DLG2: variants seen among roughly 807,000 people sequenced by gnomAD.
DLG2 encodes the protein disks large homolog 2.
Under a neutral mutation model 132.5 loss-of-function variants are expected in DLG2, and 45 were observed. The observed-to-expected ratio is 0.34, with a 90% CI of 0.27 to 0.44. The LOEUF is 0.44. Ranked by LOEUF, DLG2 falls within the 20% of genes least tolerant of loss-of-function variation. DLG2 has a pLI of 1.00. For missense variants in DLG2, 1,045 were observed against 1,196.9 expected, an observed-to-expected ratio of 0.87 and a Z score of 1.87; for synonymous variants, 424 against 419.6, an observed-to-expected ratio of 1.01 and a Z score of -0.13.
intron 4 of DLG2, among the ~76,000 whole-genome samples, chr11:85,278,162 GT>G (rs2078009221): frequency 6.6e-6 from 1 of 152,164 alleles, no homozygotes; most frequent in African/African-American, 2.4e-5. Context: ...TCAGACACAT[GT>G]TTATTAATCC....
intron 10 of DLG2, 53 bp from the exon 11 acceptor site, chr11:84,059,537 A>C: frequency 1.7e-5 from 23 of 1,368,044 alleles, no homozygotes; most frequent in Non-Finnish European, 2.3e-5. Context: ...GGATTTCTTA[A>C]AGAATATTAT....
intron 21 of DLG2, among the ~76,000 whole-genome samples, chr11:83,501,189 C>A (rs139281789): frequency 1.4e-3 from 207 of 146,590 alleles, no homozygotes; most frequent in Non-Finnish European, 2.3e-3. Flanking sequence ...CTATTTTTTT[C>A]TGTTTTTCTT....
At chr11:83,805,841 A>T (rs2045765824) in intron 17 of DLG2, among the ~76,000 whole-genome samples, 1 of 152,106 alleles carries the variant, frequency 6.6e-6, no homozygotes, top group Admixed American at 6.6e-5. Context: ...GTTAGAGTGG[A>T]TTCTGTCTAG....
At chr11:85,607,700 C>A (rs1267447398) in intron 2 of DLG2, among the ~76,000 whole-genome samples, 2 of 152,198 alleles carry the variant, frequency 1.3e-5, no homozygotes, top group East Asian at 1.9e-4. Context: ...ATTTTAGGAT[C>A]CCTCCTCAGA....
intron 14 of DLG2, among the ~76,000 whole-genome samples, chr11:83,937,691 A>C (rs1011312589): frequency 1.3e-5 from 2 of 152,156 alleles, no homozygotes; most frequent in African/African-American, 2.4e-5. Context: ...ATCACAAGAG[A>C]AAATACAAAT....
chr11:85,529,867 T>C (rs1458512244), intron 3 of DLG2, among the ~76,000 whole-genome samples: 1 of 152,236 alleles, frequency 6.6e-6, no homozygotes, highest in Non-Finnish European at 1.5e-5. Flanking sequence ...CTACTAGTCA[T>C]GTTACACATC....
intron 6 of DLG2, among the ~76,000 whole-genome samples, chr11:84,774,408 A>G (rs1239942979): frequency 6.6e-6 from 1 of 152,184 alleles, no homozygotes; most frequent in Non-Finnish European, 1.5e-5. Flanking sequence ...CTATCAAACG[A>G]CCAACATTCT....
intron 4 of DLG2, among the ~76,000 whole-genome samples, chr11:85,216,917 A>G (rs938905995): frequency 6.6e-6 from 1 of 151,868 alleles, no homozygotes; most frequent in Non-Finnish European, 1.5e-5. Context: ...GCTGGTCTTG[A>G]ACTCCTGACC....
intron 6 of DLG2, among the ~76,000 whole-genome samples, chr11:85,089,675 T>C (rs927657961): frequency 6.6e-6 from 1 of 152,164 alleles, no homozygotes; most frequent in Non-Finnish European, 1.5e-5. Flanking sequence ...TAAATGGTAG[T>C]TCCAATTTTA....
At chr11:83,533,376 G>A (rs1431940776) in intron 20 of DLG2, among the ~76,000 whole-genome samples, 3 of 152,096 alleles carry the variant, frequency 2.0e-5, no homozygotes, top group Non-Finnish European at 4.4e-5. Flanking sequence ...AAGGAGCTGG[G>A]GGACAAAGAA....
intron 6 of DLG2, among the ~76,000 whole-genome samples, chr11:85,062,258 A>T (rs1263191408): frequency 1.3e-5 from 2 of 151,840 alleles, no homozygotes; most frequent in African/African-American, 4.8e-5. Flanking sequence ...GTAAAAAATT[A>T]TATCAATGCA....
At chr11:84,050,612 G>C (rs2096354029) in intron 11 of DLG2, among the ~76,000 whole-genome samples, 2 of 151,962 alleles carry the variant, frequency 1.3e-5, no homozygotes, top group South Asian at 4.1e-4. Flanking sequence ...GTCCTGAATG[G>C]TATTGCCTAG....
chr11:84,245,476 C>T (rs764556148), intron 8 of DLG2, among the ~76,000 whole-genome samples: 3 of 152,170 alleles, frequency 2.0e-5, no homozygotes, highest in African/African-American at 4.8e-5. Flanking sequence ...TATTTGTGTT[C>T]TCTTTTTCTT....
chr11:83,723,197 A>G (rs2089144629), intron 18 of DLG2, among the ~76,000 whole-genome samples: 1 of 152,032 alleles, frequency 6.6e-6, no homozygotes, highest in African/African-American at 2.4e-5. Flanking sequence ...CCCGGCCAAC[A>G]TGATGAAACC....
intron 6 of DLG2, among the ~76,000 whole-genome samples, chr11:85,070,558 C>T (rs2065689893): frequency 1.3e-5 from 2 of 151,648 alleles, no homozygotes; most frequent in Admixed American, 1.3e-4. Context: ...ACTTGTATCC[C>T]CTAAATCTAT....
At chr11:83,776,695 C>A (rs1168281957) in intron 18 of DLG2, among the ~76,000 whole-genome samples, 1 of 152,190 alleles carries the variant, frequency 6.6e-6, no homozygotes, top group African/African-American at 2.4e-5. Flanking sequence ...GGTTTGCTTT[C>A]AGTCCCTCCA....
At chr11:83,486,252 C>A (rs2093494407) in intron 21 of DLG2, 1 of 678,926 alleles carries the variant, frequency 1.5e-6, no homozygotes, top group South Asian at 1.5e-5. Flanking sequence ...ACTCCAGTAA[C>A]TGAAAATAAA....
intron 6 of DLG2, chr11:84,545,229 G>C (rs1206026589): frequency 2.1e-6 from 1 of 466,864 alleles, no homozygotes; most frequent in Non-Finnish European, 4.2e-6. Flanking sequence ...CATCACCAGA[G>C]GGGCTGGAGC....
chr11:85,108,863 G>T (rs890259485), intron 6 of DLG2, among the ~76,000 whole-genome samples: 1 of 152,042 alleles, frequency 6.6e-6, no homozygotes, highest in Non-Finnish European at 1.5e-5. Context: ...AACATTGATT[G>T]TAAGTTATTG....
Sources: allele counts gnomAD v4.1 joint callset (sites outside exome capture counted in the v4.1 genomes callset), GRCh38; gene constraint gnomAD v4.1.1; transcripts MANE v1.5; gene names NCBI Gene and HGNC (gene_info 2026-07-23, HGNC 2026-07-21).